ARG2: variants seen among roughly 807,000 people sequenced by gnomAD.
The protein encoded by ARG2 is arginase-2, mitochondrial.
ARG2 carries 21 observed loss-of-function variants against 39.4 expected under a neutral mutation model. That is an observed-to-expected ratio of 0.53 (90% CI 0.38 to 0.77). ARG2 has a LOEUF of 0.77. Ranked by LOEUF, ARG2 falls within the 30% of genes least tolerant of loss-of-function variation. The probability of loss-of-function intolerance (pLI) is 0.00; values close to 1 mark genes in which losing one functional copy is unlikely to be tolerated. For missense variants in ARG2, 378 were observed against 426.2 expected (o/e 0.89, Z 1.00); for synonymous variants, 150 against 156.7 (o/e 0.96, Z 0.32).
In ARG2 at chr14:67,645,731, C is replaced by G. The variant is rs2037089641; in HGVS notation, c.451C>G (p.Pro151Ala). The G allele has an allele frequency of 3.1e-6, 5 of 1,614,042 alleles. No individual in the cohort carries two copies. The highest frequency in any genetic ancestry group is 4.2e-6 in the Non-Finnish European group (5 of 1,179,950). ...WVDAHADINT[P>A]LTTSSGNLHG... The stretch of plus-strand genomic sequence containing the variant: ...TGATGCCCATGCTGACATCAACACA[C>G]CCCTTACCACTTCATCAGGAAATCT... Residue 151 changes from proline to alanine, a missense_variant, in exon 4 of 8, where the codon CCC becomes GCC. Transcript: ENST00000261783.
intron 2 of ARG2, among the ~76,000 whole-genome samples, chr14:67,622,704 G>A (rs2036823238): frequency 2.0e-5 from 3 of 152,188 alleles, no homozygotes; most frequent in African/African-American, 4.8e-5. Flanking sequence ...ACAATCTCTG[G>A]TTATCACTGT....
rs554288044 is a variant in ARG2, at chr14:67,639,954, G to A, written c.185-2232G>A. Among the ~76,000 whole-genome samples the A allele has an allele frequency of 2.2e-4, 32 of 143,274 alleles. 2 individuals carry two copies. The highest frequency in any genetic ancestry group is 1.8e-3 in the Admixed American group (26 of 14,074). The allele number at this position is 143,274 out of a possible 152,430, so 94.0% of individuals were successfully genotyped here. Reference sequence around the variant, plus strand: ...AAAAAAAAAAAAAAAAAAAAAGTCTGTGCAGTCCAGGATTGTGTTGTCAAC... The same window carrying A: ...AAAAAAAAAAAAAAAAAAAAAGTCTATGCAGTCCAGGATTGTGTTGTCAAC... On this transcript the variant is annotated intron_variant, in intron 2 of 7. Transcript: ENST00000261783.
intron 2 of ARG2, among the ~76,000 whole-genome samples, chr14:67,624,527 T>A (rs1433600008): frequency 6.6e-6 from 1 of 152,170 alleles, no homozygotes; most frequent in Non-Finnish European, 1.5e-5. Context: ...ACGTCTTATA[T>A]GGCAGGAGCA....
intron 3 of ARG2, among the ~76,000 whole-genome samples, chr14:67,642,793 C>CTTTT (rs869215946): frequency 0.016 from 1,211 of 75,550 alleles, 356 homozygotes; most frequent in East Asian, 0.03. Flanking sequence ...ACTACATTTT[C>CTTTT]TTTTTTTTTT....
At chr14:67,627,155 T>C (rs931466083) in intron 2 of ARG2, among the ~76,000 whole-genome samples, 12 of 151,924 alleles carry the variant, frequency 7.9e-5, no homozygotes, top group African/African-American at 2.7e-4. Flanking sequence ...TTCTTGAATA[T>C]ATTAGAAAGC....
At chr14:67,643,538 T>C (rs979564115) in intron 3 of ARG2, among the ~76,000 whole-genome samples, 2 of 152,144 alleles carry the variant, frequency 1.3e-5, no homozygotes, top group Admixed American at 6.6e-5. Context: ...TAAGAACTTA[T>C]CCAAGGTGGG....
chr14:67,648,391 C>A, intron 7 of ARG2: 3 of 445,874 alleles, frequency 6.7e-6, no homozygotes, highest in Non-Finnish European at 1.2e-5. Context: ...CCAAATTACA[C>A]TAAGGTAATA....
chr14:67,636,295 C>T (rs2036971735), intron 2 of ARG2, among the ~76,000 whole-genome samples: 1 of 151,880 alleles, frequency 6.6e-6, no homozygotes, highest in South Asian at 2.1e-4. Flanking sequence ...AAAAACAAAA[C>T]CTTACTCATC....
At chr14:67,634,310 G>A (rs902794089) in intron 2 of ARG2, among the ~76,000 whole-genome samples, 4 of 151,870 alleles carry the variant, frequency 2.6e-5, no homozygotes, top group African/African-American at 9.7e-5. Flanking sequence ...ATGTTAGTAG[G>A]GGCTGGGTGC....
intron 3 of ARG2, 25 bp from the exon 4 acceptor site, chr14:67,645,618 T>C (rs769919060): frequency 1.2e-6 from 2 of 1,604,496 alleles, no homozygotes; most frequent in East Asian, 4.5e-5. Context: ...CAGAGGGCCT[T>C]CAAGATTATA....
At chr14:67,650,298 G>C (rs976733905) in intron 7 of ARG2, 6 of 229,372 alleles carry the variant, frequency 2.6e-5, no homozygotes, top group African/African-American at 1.4e-4. Flanking sequence ...GCAAGTGGCA[G>C]ATTTCCTCTG....
At position 67,648,056 on chromosome 14, in the gene ARG2, A is replaced by C. The variant is rs766589780; in HGVS notation, c.732A>C (p.Arg244Ser). Residue 244 changes from arginine (R) to serine (S), a missense_variant, in exon 7 of 8, where the codon AGA becomes AGC. By Grantham distance (110) the Arg-to-Ser change is moderately radical. Transcript: ENST00000261783. ...TFDLLIGKRQ[R>S]PIHLSFDIDA... ...TCCTCTTCCTTTTTAGGAGACAAAG[A>C]CCAATCCATTTGAGTTTTGATATTG... The C allele has an allele frequency of 3.1e-6, 5 of 1,611,732 alleles. No homozygotes were observed. Among genetic ancestry groups the C allele is most frequent in the Non-Finnish European group, 3.4e-6 (4 of 1,178,644 alleles).
chr14:67,651,254 C>CA lies in ARG2; in HGVS notation c.*335dup. ...GTTTTTCATCTTTCCTCCCTCCTCCCACAGCCTGGCTATACAGTGCATCCT... is the reference window on the plus strand; with the variant it reads ...GTTTTTCATCTTTCCTCCCTCCTCCCAACAGCCTGGCTATACAGTGCATCCT... On this transcript the variant is annotated 3_prime_UTR_variant, in exon 8 of 8. Coordinates refer to ENST00000261783, the MANE Select transcript of ARG2 (RefSeq NM_001172.4). The CA allele has an allele frequency of 6.5e-7, 1 of 1,537,918 alleles. No homozygotes were observed. Among genetic ancestry groups the CA allele is most frequent in the Non-Finnish European group, 8.7e-7 (1 of 1,145,608 alleles).
intron 3 of ARG2, among the ~76,000 whole-genome samples, chr14:67,644,997 TAA>T (rs558540535): frequency 5.3e-5 from 7 of 132,396 alleles, no homozygotes; most frequent in Admixed American, 7.7e-5. Context: ...GACTCCGTCT[TAA>T]AAAAAAAAAA....
chr14:67,650,531 G>GTGTT, intron 7 of ARG2, 184 bp from the exon 8 acceptor site: 1 of 609,790 alleles, frequency 1.6e-6, no homozygotes, highest in East Asian at 2.7e-5. Context: ...TAGCACAACA[G>GTGTT]TGTTTTAACT....
intron 3 of ARG2, 35 bp from the exon 4 acceptor site, chr14:67,645,608 C>T (rs1566805141): frequency 2.5e-6 from 4 of 1,597,744 alleles, no homozygotes; most frequent in Middle Eastern, 1.7e-4. Flanking sequence ...GTTTGCCAAG[C>T]AGAGGGCCTT....
chr14:67,638,685 G>C (rs1413120473), intron 2 of ARG2, among the ~76,000 whole-genome samples: 1 of 152,192 alleles, frequency 6.6e-6, no homozygotes, highest in Non-Finnish European at 1.5e-5. Context: ...GGAGCAGGAA[G>C]GTAGGCCACT....
chr14:67,639,798 A>G (rs2037010796), intron 2 of ARG2, among the ~76,000 whole-genome samples: 1 of 151,986 alleles, frequency 6.6e-6, no homozygotes, highest in Non-Finnish European at 1.5e-5. Flanking sequence ...GGTGGCGCAC[A>G]CCTGTAATCC....
At chr14:67,637,231 G>A (rs370531936) in intron 2 of ARG2, among the ~76,000 whole-genome samples, 9 of 151,794 alleles carry the variant, frequency 5.9e-5, no homozygotes, top group African/African-American at 1.2e-4. Context: ...CCAACATGGC[G>A]AAACCTCGTC....
Sources: gnomAD v4.1 joint callset for allele counts (sites outside exome capture counted in the v4.1 genomes callset) on GRCh38, gnomAD v4.1.1 for gene constraint, MANE v1.5 for transcripts, NCBI Gene and HGNC (gene_info 2026-07-23, HGNC 2026-07-21) for gene names.